Variants in LDB2 observed in about 807,000 individuals in gnomAD.
LDB2 encodes the protein LIM domain-binding protein 2.
A neutral mutation model predicts 44.3 loss-of-function variants in LDB2; 12 were observed. The ratio of observed to expected loss-of-function variants is 0.27; its 90% CI spans 0.17 to 0.44. The LOEUF (loss-of-function observed/expected upper bound fraction) is 0.44, where lower values mean the gene tolerates loss of function less well. Ranked by LOEUF, LDB2 falls within the 20% of genes least tolerant of loss-of-function variation. The pLI, the probability that LDB2 is intolerant of heterozygous loss-of-function variation, is 1.00. For missense variants in LDB2, 344 were observed against 473.5 expected (o/e 0.73, Z 2.54); for synonymous variants, 164 against 174.8 (o/e 0.94, Z 0.49).
intron 2 of LDB2, among the ~76,000 whole-genome samples, chr4:16,628,416 C>G (rs1470044772): frequency 6.6e-6 from 1 of 152,158 alleles, no homozygotes; most frequent in African/African-American, 2.4e-5. Context: ...ACAGAGGGCC[C>G]TGGACTGAAG....
chr4:16,845,281 C>A (rs1480547831), intron 1 of LDB2, among the ~76,000 whole-genome samples: 1 of 152,218 alleles, frequency 6.6e-6, no homozygotes, highest in Non-Finnish European at 1.5e-5. Context: ...GTTTTGGTAA[C>A]TGCAATCACA....
At chr4:16,700,911 A>G (rs1161696491) in intron 2 of LDB2, among the ~76,000 whole-genome samples, 1 of 152,234 alleles carries the variant, frequency 6.6e-6, no homozygotes, top group African/African-American at 2.4e-5. Flanking sequence ...CACAGCTTAT[A>G]TTGAACAATA....
intron 5 of LDB2, among the ~76,000 whole-genome samples, chr4:16,515,458 A>C (rs976134833): frequency 2.6e-5 from 4 of 152,230 alleles, no homozygotes; most frequent in Admixed American, 1.3e-4. Context: ...TGCTACTACA[A>C]ATCAAAGTGT....
chr4:16,840,177 T>C (rs1785608031), intron 1 of LDB2, among the ~76,000 whole-genome samples: 1 of 152,116 alleles, frequency 6.6e-6, no homozygotes, highest in South Asian at 2.1e-4. Context: ...AACTATCAAC[T>C]CTGATAGATT....
At chr4:16,521,728 G>T (rs907442491) in intron 5 of LDB2, among the ~76,000 whole-genome samples, 2 of 152,070 alleles carry the variant, frequency 1.3e-5, no homozygotes, top group East Asian at 3.9e-4. Flanking sequence ...CCCAGGAGTG[G>T]CAATTGCTAA....
chr4:16,710,860 G>C (rs1755707630), intron 2 of LDB2, among the ~76,000 whole-genome samples: 1 of 152,114 alleles, frequency 6.6e-6, no homozygotes, highest in South Asian at 2.1e-4. Flanking sequence ...AGTCAACAGG[G>C]AAAGATGCAA....
intron 1 of LDB2, among the ~76,000 whole-genome samples, chr4:16,816,935 A>C (rs1301482845): frequency 6.6e-6 from 1 of 151,834 alleles, no homozygotes; most frequent in Non-Finnish European, 1.5e-5. Context: ...TCAGTCCCTC[A>C]TCTGTATGTC....
At chr4:16,851,265 A>G (rs1788176926) in intron 1 of LDB2, among the ~76,000 whole-genome samples, 1 of 152,090 alleles carries the variant, frequency 6.6e-6, no homozygotes, top group Admixed American at 6.6e-5. Flanking sequence ...AGCAGGTACG[A>G]GTCAGGAGGG....
intron 2 of LDB2, among the ~76,000 whole-genome samples, chr4:16,688,061 T>A (rs1013273316): frequency 6.6e-6 from 1 of 152,136 alleles, no homozygotes; most frequent in African/African-American, 2.4e-5. Flanking sequence ...GAAAATAAGA[T>A]ACAAAGACTT....
intron 5 of LDB2, among the ~76,000 whole-genome samples, chr4:16,569,655 C>T (rs1403181454): frequency 6.6e-6 from 1 of 152,146 alleles, no homozygotes; most frequent in Non-Finnish European, 1.5e-5. Context: ...GGTCAGCCTC[C>T]ATCCCTCCAT....
chr4:16,883,728 C>A lies in LDB2; in HGVS notation c.132+14626G>T, dbSNP rs146303043. On this transcript the variant is annotated intron_variant, in intron 1 of 7. Transcript: ENST00000304523. ...GTCCTCCTGCCAGGCTGACGGCCAGCACATCTCTTCTGGTTTCCCACACAG... is the reference window on the plus strand; with the variant it reads ...GTCCTCCTGCCAGGCTGACGGCCAGAACATCTCTTCTGGTTTCCCACACAG... 1.8e-3 allele frequency among the ~76,000 whole-genome samples: 271 copies of A among 152,310 alleles called. 1 individual carries two copies. The highest frequency in any genetic ancestry group is 4.4e-3 in the Admixed American group (67 of 15,308).
intron 1 of LDB2, among the ~76,000 whole-genome samples, chr4:16,784,307 T>C (rs1243237515): frequency 6.6e-6 from 1 of 152,186 alleles, no homozygotes; most frequent in African/African-American, 2.4e-5. Flanking sequence ...TCTCTGCACC[T>C]CATTCTGCTT....
rs190354726 is a variant in LDB2, at chr4:16,788,071, C to G, written c.133-28811G>C. ...CTGGCTGCAGAAGTCGATCCTCCCCCCCCTCTCTGCCAGATGGGCATTCCC... is the reference window on the plus strand; with the variant it reads ...CTGGCTGCAGAAGTCGATCCTCCCCGCCCTCTCTGCCAGATGGGCATTCCC... On this transcript the variant is annotated intron_variant, in intron 1 of 7. Transcript: ENST00000304523. 5.3e-4 allele frequency among the ~76,000 whole-genome samples: 80 copies of G among 152,340 alleles called. No individual in the cohort carries two copies. In the East Asian group the frequency reaches 0.012, roughly 24 times the overall value.
chr4:16,525,113 A>G (rs4698491), intron 5 of LDB2, among the ~76,000 whole-genome samples: 115,657 of 152,154 alleles, frequency 0.76, 44,461 homozygotes, highest in African/African-American at 0.87. Context: ...CATTGACTGA[A>G]TGGTTACACC....
At chr4:16,584,198 C>T (rs1715882720) in intron 5 of LDB2, among the ~76,000 whole-genome samples, 1 of 152,130 alleles carries the variant, frequency 6.6e-6, no homozygotes, top group Admixed American at 6.5e-5. Flanking sequence ...GTCCCCAGGC[C>T]CTGTGCTAAG....
chr4:16,557,478 A>C (rs528698197), intron 5 of LDB2, among the ~76,000 whole-genome samples: 56 of 152,304 alleles, frequency 3.7e-4, no homozygotes, highest in South Asian at 8.3e-4. Context: ...GTCTGAGATC[A>C]AACTGCAAGG....
chr4:16,813,464 G>C (rs977286386), intron 1 of LDB2, among the ~76,000 whole-genome samples: 1 of 152,148 alleles, frequency 6.6e-6, no homozygotes, highest in Non-Finnish European at 1.5e-5. Context: ...ATGCAAATGA[G>C]AGAAAGTCAC....
intron 1 of LDB2, among the ~76,000 whole-genome samples, chr4:16,829,459 G>A (rs1048459785): frequency 3.9e-5 from 6 of 152,096 alleles, no homozygotes; most frequent in Non-Finnish European, 7.4e-5. Context: ...TTTTAAAACC[G>A]TGTGTCTATA....
chr4:16,846,077 G>C (rs1273037751), intron 1 of LDB2, among the ~76,000 whole-genome samples: 1 of 148,820 alleles, frequency 6.7e-6, no homozygotes, highest in African/African-American at 2.5e-5. Flanking sequence ...TCACGCCACT[G>C]CACTCCAGCC....
Sources: gnomAD v4.1 joint callset for allele counts (sites outside exome capture counted in the v4.1 genomes callset) on GRCh38, gnomAD v4.1.1 for gene constraint, MANE v1.5 for transcripts, NCBI Gene and HGNC (gene_info 2026-07-23, HGNC 2026-07-21) for gene names.